BYSL: variants seen among roughly 807,000 people sequenced by gnomAD.
BYSL encodes the protein bystin like, also known as bystin.
Under a neutral mutation model 45.4 loss-of-function variants are expected in BYSL, and 21 were observed. That is an observed-to-expected ratio of 0.46 (90% confidence interval 0.33 to 0.67). The LOEUF (loss-of-function observed/expected upper bound fraction) is 0.67. BYSL is among the 30% of genes least tolerant of loss of function. BYSL has a pLI of 0.02. For synonymous variants in BYSL, 215 were observed against 231.3 expected (o/e 0.93, Z 0.64); for missense variants, 522 against 578.5 (o/e 0.90, Z 1.00).
At chr6:41,931,694 G>T in intron 5 of BYSL, 34 bp from the exon 6 acceptor site, 1 of 1,608,578 alleles carries the variant, frequency 6.2e-7, no homozygotes, top group Non-Finnish European at 8.5e-7. Context: ...TTCTCATCCT[G>T]GGCTCACAGT....
At chr6:41,927,764 G>C (rs1450875423) in intron 2 of BYSL, 2 of 478,184 alleles carry the variant, frequency 4.2e-6, no homozygotes, top group African/African-American at 2.0e-5. Flanking sequence ...CAACTGCCCA[G>C]TTGCCAGGGA....
chr6:41,911,997 C>T, the BYSL span, among the ~76,000 whole-genome samples: 2 of 151,732 alleles, frequency 1.3e-5, no homozygotes, highest in Non-Finnish European at 1.5e-5. Flanking sequence ...TGTGTGTGTG[C>T]GCTTAATGAA....
chr6:41,930,070 G>T, intron 2 of BYSL, 62 bp from the exon 3 acceptor site: 1 of 1,600,856 alleles, frequency 6.2e-7, no homozygotes. Flanking sequence ...GGAGCTTCCT[G>T]GACAGTGACC....
At chr6:41,926,217 A>G (rs567377350) in intron 1 of BYSL, among the ~76,000 whole-genome samples, 1 of 152,262 alleles carries the variant, frequency 6.6e-6, no homozygotes, top group South Asian at 2.1e-4. Context: ...TTAAGTGCAT[A>G]TGTTGTCTCT....
upstream of BYSL, chr6:41,918,015 C>CAA (rs368085087): frequency 1.5e-4 from 35 of 233,264 alleles, no homozygotes; most frequent in South Asian, 3.7e-4. Context: ...TGGAACAAAA[C>CAA]AAAAAAAAAA....
chr6:41,920,246 C>G (rs2127382663), upstream of BYSL, among the ~76,000 whole-genome samples: 1 of 152,312 alleles, frequency 6.6e-6, no homozygotes, highest in South Asian at 2.1e-4. Flanking sequence ...TGCCTGGAAC[C>G]ATGATCTCCT....
chr6:41,921,369 G>C (rs1361441772), upstream of BYSL: 4 of 693,202 alleles, frequency 5.8e-6, no homozygotes, highest in South Asian at 4.0e-5. Context: ...GAATATATTC[G>C]GGAGTCCAGC....
intron 1 of BYSL, among the ~76,000 whole-genome samples, chr6:41,926,718 G>A (rs1775568718): frequency 2.0e-5 from 3 of 150,132 alleles, no homozygotes; most frequent in African/African-American, 7.3e-5. Flanking sequence ...CAAAGTGCTG[G>A]GATTACAGGC....
rs1443886386 is a variant in BYSL at position 41,921,649 on chromosome 6, G to A, written c.87G>A (p.Val29=). Residue 29 remains valine (V), a synonymous_variant, in exon 1 of 7, where the codon GTG becomes GTA. Transcript: ENST00000230340. ...LADQILAGNA[V]RAGVREKRRG... The stretch of plus-strand genomic sequence containing the variant: ...ATCAGATCCTGGCTGGGAATGCGGT[G>A]CGGGCGGGGGTCCGGGAGAAGCGGC... 3 of 1,613,514 alleles carry A rather than the reference G, an allele frequency of 1.9e-6. No individual in the cohort carries two copies. Among genetic ancestry groups the A allele is most frequent in the Non-Finnish European group, 2.5e-6 (3 of 1,179,874 alleles).
At chr6:41,916,435 C>T in the BYSL span, among the ~76,000 whole-genome samples, 1 of 151,872 alleles carries the variant, frequency 6.6e-6, no homozygotes, top group Admixed American at 6.6e-5. Flanking sequence ...CAAAATTAGC[C>T]GGGCTTGGTG....
upstream of BYSL, chr6:41,916,673 C>CATTGA (rs2127380050): frequency 2.3e-6 from 3 of 1,332,998 alleles, no homozygotes; most frequent in East Asian, 7.0e-5. Context: ...CACATCTCGC[C>CATTGA]ACATGTTTAA....
At chr6:41,924,945 G>A (rs993713855) in intron 1 of BYSL, among the ~76,000 whole-genome samples, 2 of 152,168 alleles carry the variant, frequency 1.3e-5, no homozygotes, top group Admixed American at 6.5e-5. Context: ...TTGAGGGTGA[G>A]GGCAGGGGAT....
In BYSL at chr6:41,931,765, C is replaced by T. The variant is rs775314784; in HGVS notation, c.903C>T (p.Thr301=). ...CACTGTGCGAGTCTGGCACTTGTAC[C>T]CTCCGGGAAGCCATCATTGTGGGTA... ...LIPLCESGTC[T]LREAIIVGSI... Residue 301 remains threonine, a synonymous_variant, in exon 6 of 7, where the codon ACC becomes ACT. Transcript: ENST00000230340. 1.9e-6 allele frequency: 3 copies of T among 1,614,114 alleles called. No homozygotes were observed. Among genetic ancestry groups the T allele is most frequent in the Non-Finnish European group, 2.5e-6 (3 of 1,180,010 alleles).
chr6:41,924,801 A>G (rs1232315585), intron 1 of BYSL, among the ~76,000 whole-genome samples: 2 of 152,228 alleles, frequency 1.3e-5, no homozygotes, highest in Non-Finnish European at 2.9e-5. Context: ...GGTCAGAAAC[A>G]TAGAGACCAG....
Position 41,933,018 on chromosome 6 carries a change from G to T in BYSL, c.*312G>T. On this transcript the variant is annotated 3_prime_UTR_variant, in exon 7 of 7. Coordinates refer to ENST00000230340, the MANE Select transcript of BYSL (RefSeq NM_004053.4). ...ATGGCTATTGTGTCAGGTCACTGTG[G>T]ATAAAGGCAAAGACAGATATTTATT... The T allele has an allele frequency of 2.8e-6, 1 of 358,444 alleles. No individual in the cohort carries two copies. The highest frequency in any genetic ancestry group is 5.2e-6 in the Non-Finnish European group (1 of 192,786). 22.2% of individuals were successfully genotyped at this position (358,444 alleles called of 1,614,324 possible).
At position 41,932,920 on chromosome 6, in the gene BYSL, T is replaced by C; in HGVS notation, c.*214T>C. 2 of 571,098 alleles carry C rather than the reference T, an allele frequency of 3.5e-6. No individual in the cohort carries two copies. The highest frequency in any genetic ancestry group is 4.8e-5 in the South Asian group (2 of 41,442). The allele number at this position is 571,098 out of a possible 1,614,324, so 35.4% of individuals were successfully genotyped here. A position where few individuals can be genotyped will look rare whatever the true frequency, so the allele number is the denominator to read the frequency against. On this transcript the variant is annotated 3_prime_UTR_variant, in exon 7 of 7. Transcript: ENST00000230340. This position sits in a 1 kb window ranked among gnomAD's most constrained non-coding sequence, Gnocchi z 4.7. ...CTAGGCCCTTATCCCTGTTTAGTTC[T>C]GAGAGCCAACTTGAGATACCATATG...
intron 1 of BYSL, among the ~76,000 whole-genome samples, chr6:41,925,917 C>T (rs1377689842): frequency 2.0e-5 from 3 of 152,094 alleles, no homozygotes; most frequent in African/African-American, 7.2e-5. Flanking sequence ...AACTCCCAAT[C>T]TCATGATCCA....
At chr6:41,911,369 T>A in the BYSL span, among the ~76,000 whole-genome samples, 8 of 152,080 alleles carry the variant, frequency 5.3e-5, no homozygotes, top group African/African-American at 1.9e-4. Flanking sequence ...CAGGCTGGTC[T>A]TGAACTCCTG....
intron 3 of BYSL, 100 bp from the exon 4 acceptor site, chr6:41,930,535 C>A: frequency 7.0e-7 from 1 of 1,431,346 alleles, no homozygotes; most frequent in Non-Finnish European, 9.4e-7. Context: ...TGTGGGGATG[C>A]AATGAGTTAA....
Sources: gnomAD v4.1 joint callset for allele counts (sites outside exome capture counted in the v4.1 genomes callset) on GRCh38, gnomAD v4.1.1 for gene constraint, Gnocchi (gnomAD v3.1) non-coding constraint, MANE v1.5 for transcripts, NCBI Gene and HGNC (gene_info 2026-07-23, HGNC 2026-07-21) for gene names.